Variants in SLC14A2 observed in about 807,000 individuals in gnomAD.
The protein encoded by SLC14A2 is solute carrier family 14 member 2.
A neutral mutation model predicts 104.6 loss-of-function variants in SLC14A2; 91 were observed. The ratio of observed to expected loss-of-function variants is 0.87; its 90% confidence interval spans 0.73 to 1.04. The LOEUF (loss-of-function observed/expected upper bound fraction) is 1.04, where lower values mean the gene tolerates loss of function less well. Among genes scored for constraint, SLC14A2 ranks in the 50% least tolerant of loss-of-function variants. SLC14A2 has a pLI of 0.00. For synonymous variants in SLC14A2, 476 were observed against 466.4 expected (o/e 1.02, Z -0.27); for missense variants, 1,189 against 1,156.0 (o/e 1.03, Z -0.41).
At chr18:45,584,914 C>T (rs1307583906) in intron 2 of SLC14A2, among the ~76,000 whole-genome samples, 2 of 152,178 alleles carry the variant, frequency 1.3e-5, no homozygotes, top group Non-Finnish European at 2.9e-5. Flanking sequence ...GTGGGAGATT[C>T]ACGGAATATG....
chr18:45,624,694 G>T lies in SLC14A2; in HGVS notation c.30G>T (p.Leu10=), dbSNP rs1474916096. The T allele has an allele frequency of 1.2e-6, 2 of 1,613,004 alleles. No individual in the cohort carries two copies. The highest frequency in any genetic ancestry group is 1.3e-5 in the African/African-American group (1 of 74,996). The change falls in exon 2 of 20, where the codon CTG becomes CTT. Residue 10 remains leucine (L), a synonymous_variant. Transcript: ENST00000255226. The part of the protein sequence containing the change: MSDPHSSPL[L]PEPLSSRYKL... ...CTGACCCCCACAGCAGTCCTCTCCT[G>T]CCAGAGCCACTTTCCAGCAGATACA...
At chr18:45,634,646 T>C (rs556791634) in intron 5 of SLC14A2, among the ~76,000 whole-genome samples, 1 of 152,030 alleles carries the variant, frequency 6.6e-6, no homozygotes, top group Non-Finnish European at 1.5e-5. Context: ...CAGTGAAGGA[T>C]GGAGGAGTGG....
chr18:45,389,813 C>A (rs2085940768), intron 1 of SLC14A2, among the ~76,000 whole-genome samples: 1 of 152,288 alleles, frequency 6.6e-6, no homozygotes, highest in Non-Finnish European at 1.5e-5. Context: ...TGAATTAAAT[C>A]CCACACCCAC....
chr18:45,585,116 C>T (rs1283827722), intron 2 of SLC14A2, among the ~76,000 whole-genome samples: 1 of 148,710 alleles, frequency 6.7e-6, no homozygotes, highest in African/African-American at 2.5e-5. Flanking sequence ...CAGATTCCCA[C>T]ACCTCACCTC....
At chr18:45,245,365 G>T (rs1195088755) in intron 1 of SLC14A2, among the ~76,000 whole-genome samples, 1 of 152,222 alleles carries the variant, frequency 6.6e-6, no homozygotes, top group Non-Finnish European at 1.5e-5. Flanking sequence ...TGTGTTCTCT[G>T]TGTTGCAGCA....
intron 1 of SLC14A2, among the ~76,000 whole-genome samples, chr18:45,459,438 G>A (rs973322690): frequency 6.6e-6 from 1 of 152,178 alleles, no homozygotes; most frequent in African/African-American, 2.4e-5. Context: ...TTCCCACTTG[G>A]CCACACTGGG....
At chr18:45,309,615 G>A (rs181800693) in intron 1 of SLC14A2, among the ~76,000 whole-genome samples, 6 of 152,184 alleles carry the variant, frequency 3.9e-5, no homozygotes, top group African/African-American at 9.6e-5. Flanking sequence ...TCTGTAGACC[G>A]TTACCTGCTC....
At chr18:45,590,834 T>C (rs1325988455) in intron 2 of SLC14A2, among the ~76,000 whole-genome samples, 1 of 152,238 alleles carries the variant, frequency 6.6e-6, no homozygotes, top group African/African-American at 2.4e-5. Context: ...AAGGCACTGC[T>C]CTAGACATGG....
chr18:45,570,093 TGAGGGGCACCAGCTGGA>T (rs2044324065), intron 2 of SLC14A2, among the ~76,000 whole-genome samples: 2 of 152,186 alleles, frequency 1.3e-5, no homozygotes, highest in Admixed American at 1.3e-4. Context: ...TGTGTGGCAT[TGAGGGGCACCAGCTGGA>T]GAGGGAGCAA....
the SLC14A2 span, among the ~76,000 whole-genome samples, chr18:45,192,756 A>G: frequency 2.0e-5 from 3 of 152,036 alleles, no homozygotes; most frequent in Non-Finnish European, 1.5e-5. Flanking sequence ...TCCCAGGTTC[A>G]AGCAATTCTC....
intron 1 of SLC14A2, among the ~76,000 whole-genome samples, chr18:45,364,913 G>C (rs906815054): frequency 6.6e-6 from 1 of 152,204 alleles, no homozygotes; most frequent in African/African-American, 2.4e-5. Flanking sequence ...TTGTGACAGT[G>C]ATCTGAAGCC....
chr18:45,386,911 G>A (rs1382921377), intron 1 of SLC14A2, among the ~76,000 whole-genome samples: 1 of 152,248 alleles, frequency 6.6e-6, no homozygotes, highest in Non-Finnish European at 1.5e-5. Flanking sequence ...AGCACAGGCA[G>A]TAAATGGCAG....
chr18:45,355,606 AT>A (rs1219320141), intron 1 of SLC14A2, among the ~76,000 whole-genome samples: 1 of 129,634 alleles, frequency 7.7e-6, no homozygotes, highest in Non-Finnish European at 1.7e-5. Flanking sequence ...AAAAACCCTG[AT>A]TTTTTTTAGC....
intron 2 of SLC14A2, among the ~76,000 whole-genome samples, chr18:45,502,762 A>C (rs2144765645): frequency 6.6e-6 from 1 of 152,228 alleles, no homozygotes; most frequent in South Asian, 2.1e-4. Flanking sequence ...GGAGAACTGA[A>C]ACATAAATAA....
chr18:45,436,695 C>T (rs908721289), intron 1 of SLC14A2: 3 of 152,092 alleles, frequency 2.0e-5, no homozygotes, highest in African/African-American at 7.2e-5. Flanking sequence ...GATGATAAAT[C>T]CACGCATTTA....
chr18:45,457,156 G>A (rs766495699), intron 1 of SLC14A2, among the ~76,000 whole-genome samples: 10 of 152,132 alleles, frequency 6.6e-5, no homozygotes, highest in Non-Finnish European at 1.5e-4. Flanking sequence ...TGTAGTATAC[G>A]AAGGTTTTTT....
the SLC14A2 span, among the ~76,000 whole-genome samples, chr18:45,175,198 T>C: frequency 0.011 from 1,743 of 152,202 alleles, 47 homozygotes; most frequent in African/African-American, 0.04. Context: ...TTGTTTGTAA[T>C]AGCAAAGGAC....
rs34479081 is a variant in SLC14A2 at position 45,309,333 on chromosome 18, CT to C, written c.-125+96156del. Among the ~76,000 whole-genome samples, 697 of 144,612 alleles carry C rather than the reference CT, an allele frequency of 4.8e-3. 1 individual carries two copies. The highest frequency in any genetic ancestry group is 0.015 in the Middle Eastern group (4 of 268). 94.9% of individuals were successfully genotyped at this position (144,612 alleles called of 152,430 possible). A position where few individuals can be genotyped will look rare whatever the true frequency, so the allele number is the denominator to read the frequency against. ...TGGGTAACTATAATTCTCAGAAGCACTTTTTTTTTTTTTTCTGAAAGGGTCT... is the reference window on the plus strand; with the variant it reads ...TGGGTAACTATAATTCTCAGAAGCACTTTTTTTTTTTTTCTGAAAGGGTCT... On this transcript the variant is annotated intron_variant, in intron 1 of 20. Coordinates refer to the SLC14A2 transcript ENST00000586448.
chr18:45,236,549 GTGTATATATGTGTATATA>G (rs1489290338), intron 1 of SLC14A2, among the ~76,000 whole-genome samples: 1 of 107,654 alleles, frequency 9.3e-6, no homozygotes, highest in Non-Finnish European at 2.0e-5. Context: ...ACATGTATGT[GTGTATATATGTGTATATA>G]TGTATATATA....
Sources: allele counts gnomAD v4.1 joint callset (sites outside exome capture counted in the v4.1 genomes callset), GRCh38; gene constraint gnomAD v4.1.1; transcripts MANE v1.5; gene names NCBI Gene and HGNC (gene_info 2026-07-23, HGNC 2026-07-21).